The following CTNNA3 variants were observed in gnomAD, a reference collection of about 807,000 sequenced individuals.
CTNNA3 encodes the protein catenin alpha-3.
CTNNA3 carries 76 observed loss-of-function variants against 95.7 expected under a neutral mutation model. That is an observed-to-expected ratio of 0.79 (90% CI 0.66 to 0.96). The LOEUF (loss-of-function observed/expected upper bound fraction) is 0.96. Among genes scored for constraint, CTNNA3 ranks in the 40% least tolerant of loss-of-function variants. CTNNA3 has a pLI of 0.00. For missense variants in CTNNA3, 1,191 were observed against 1,089.8 expected, an observed-to-expected ratio of 1.09 and a Z score of -1.31; for synonymous variants, 431 against 374.4, an observed-to-expected ratio of 1.15 and a Z score of -1.74.
chr10:66,427,935 C>G (rs189645005), intron 11 of CTNNA3, among the ~76,000 whole-genome samples: 1,722 of 152,080 alleles, frequency 0.011, 39 homozygotes, highest in African/African-American at 0.04. Context: ...ACTAAATGCT[C>G]CAATTAAAAG....
intron 15 of CTNNA3, among the ~76,000 whole-genome samples, chr10:66,049,846 G>T (rs1449251470): frequency 6.6e-6 from 1 of 152,070 alleles, no homozygotes; most frequent in African/African-American, 2.4e-5. Flanking sequence ...TTGGGTACTG[G>T]GCTTAATACC....
chr10:66,126,151 C>G (rs909364418), intron 13 of CTNNA3, among the ~76,000 whole-genome samples: 3 of 152,076 alleles, frequency 2.0e-5, no homozygotes, highest in African/African-American at 7.2e-5. Context: ...TTAATGTAAT[C>G]CATAAGACTG....
intron 4 of CTNNA3, among the ~76,000 whole-genome samples, chr10:67,526,899 C>T (rs996977829): frequency 6.6e-6 from 1 of 152,126 alleles, no homozygotes; most frequent in Non-Finnish European, 1.5e-5. Context: ...CTGGGCTTGA[C>T]GCTGTGAGAA....
At position 66,737,664 on chromosome 10, in the gene CTNNA3, CTT is replaced by C. The variant is rs200878512; in HGVS notation, c.1281+28598_1281+28599del. On this transcript the variant is annotated intron_variant, in intron 9 of 17. Transcript: ENST00000433211. ...CTTTGAATCTAACTTAAAAGTTGTA[CTT>C]TTTTTTTTTTTTGAGATGGAGTCTC... Among the ~76,000 whole-genome samples, 489 of 144,666 alleles carry C rather than the reference CTT, an allele frequency of 3.4e-3. 1 individual carries two copies. Among genetic ancestry groups the C allele is most frequent in the African/African-American group, 0.011 (454 of 39,548 alleles). The allele number at this position is 144,666 out of a possible 152,430, so 94.9% of individuals were successfully genotyped here. A position where few individuals can be genotyped will look rare whatever the true frequency, so the allele number is the denominator to read the frequency against.
At chr10:66,465,960 T>C (rs528203461) in intron 11 of CTNNA3, among the ~76,000 whole-genome samples, 2 of 152,288 alleles carry the variant, frequency 1.3e-5, no homozygotes, top group Admixed American at 1.3e-4. Context: ...TTGTGATGGT[T>C]AATTTTATGC....
intron 14 of CTNNA3, among the ~76,000 whole-genome samples, chr10:66,073,646 C>T (rs1229871946): frequency 6.6e-6 from 1 of 151,968 alleles, no homozygotes; most frequent in Non-Finnish European, 1.5e-5. Context: ...TTTATCACAT[C>T]CATTTCCCTC....
At chr10:66,718,306 T>C (rs1247911425) in intron 9 of CTNNA3, among the ~76,000 whole-genome samples, 1 of 152,098 alleles carries the variant, frequency 6.6e-6, no homozygotes, top group Admixed American at 6.6e-5. Flanking sequence ...TCCCCCGGCA[T>C]CAGTCTCAGG....
intron 12 of CTNNA3, among the ~76,000 whole-genome samples, chr10:66,328,933 T>TATATATATATATATATATATATATAA (rs59003281): frequency 8.7e-6 from 1 of 115,406 alleles, no homozygotes. Flanking sequence ...TATATATATA[T>TATATATATATATATATATATATATAA]ACACACACAC....
chr10:67,338,834 C>T (rs1230374551), intron 5 of CTNNA3, among the ~76,000 whole-genome samples: 4 of 152,172 alleles, frequency 2.6e-5, no homozygotes, highest in Non-Finnish European at 5.9e-5. Flanking sequence ...ACAGTCTTTT[C>T]GATGTCAACA....
At chr10:66,166,684 G>C (rs929154877) in intron 13 of CTNNA3, among the ~76,000 whole-genome samples, 28 of 151,944 alleles carry the variant, frequency 1.8e-4, no homozygotes, top group African/African-American at 6.8e-4. Context: ...AATGTGGGAG[G>C]CATAATCAAA....
intron 14 of CTNNA3, among the ~76,000 whole-genome samples, chr10:66,077,608 G>T (rs577415781): frequency 5.9e-5 from 9 of 151,858 alleles, no homozygotes; most frequent in African/African-American, 2.2e-4. Context: ...ATCTTGGCAT[G>T]TATCATAATG....
At chr10:65,996,259 C>T (rs2078656468) in intron 15 of CTNNA3, among the ~76,000 whole-genome samples, 1 of 152,072 alleles carries the variant, frequency 6.6e-6, no homozygotes, top group Admixed American at 6.6e-5. Flanking sequence ...TGGGAGCAGC[C>T]CCAGGCAGGC....
At chr10:66,866,926 A>C (rs1329044676) in intron 7 of CTNNA3, among the ~76,000 whole-genome samples, 1 of 152,136 alleles carries the variant, frequency 6.6e-6, no homozygotes, top group Non-Finnish European at 1.5e-5. Flanking sequence ...TAATTGAATC[A>C]TAGAGGTGGT....
intron 13 of CTNNA3, among the ~76,000 whole-genome samples, chr10:66,241,021 T>C (rs1443596398): frequency 1.3e-5 from 2 of 149,188 alleles, no homozygotes. Flanking sequence ...TAGTGACCCA[T>C]GGATTGCCTT....
At chr10:66,648,673 A>C (rs1429625216) in intron 9 of CTNNA3, among the ~76,000 whole-genome samples, 1 of 115,026 alleles carries the variant, frequency 8.7e-6, no homozygotes, top group East Asian at 3.9e-4. Context: ...AAAAAATCAA[A>C]GATGATTCCC....
chr10:66,077,160 T>C (rs539948395), intron 14 of CTNNA3, among the ~76,000 whole-genome samples: 92 of 151,844 alleles, frequency 6.1e-4, no homozygotes, highest in African/African-American at 2.1e-3. Context: ...TATTTAGATA[T>C]AAAATGCTAT....
At chr10:66,247,034 G>A (rs1468079129) in intron 13 of CTNNA3, among the ~76,000 whole-genome samples, 1 of 112,146 alleles carries the variant, frequency 8.9e-6, no homozygotes, top group Non-Finnish European at 1.7e-5. Context: ...TGGTGACACA[G>A]CAAGACTCCA....
intron 1 of CTNNA3, among the ~76,000 whole-genome samples, chr10:67,736,646 G>A (rs1841304297): frequency 6.6e-6 from 1 of 151,598 alleles, no homozygotes; most frequent in Non-Finnish European, 1.5e-5. Context: ...TAGTAGAGAT[G>A]GGGTTTCACC....
intron 7 of CTNNA3, among the ~76,000 whole-genome samples, chr10:66,903,246 C>T (rs1035139566): frequency 4.6e-5 from 7 of 152,152 alleles, no homozygotes; most frequent in Non-Finnish European, 8.8e-5. Context: ...TAAACATAAT[C>T]CATCACATAA....
Sources: allele counts gnomAD v4.1 joint callset (sites outside exome capture counted in the v4.1 genomes callset), GRCh38; gene constraint gnomAD v4.1.1; transcripts MANE v1.5; gene names NCBI Gene and HGNC (gene_info 2026-07-23, HGNC 2026-07-21).